STK33: variants seen among roughly 807,000 people sequenced by gnomAD.
STK33 encodes serine/threonine kinase 33.
STK33 carries 52 observed loss-of-function variants against 58.0 expected under a neutral mutation model. The observed-to-expected ratio is 0.90, with a 90% confidence interval of 0.72 to 1.13. The LOEUF (loss-of-function observed/expected upper bound fraction) is 1.13. Among genes scored for constraint, STK33 ranks in the 50% most tolerant of loss-of-function variants. STK33 has a pLI of 0.00. For synonymous variants in STK33, 215 were observed against 200.1 expected (o/e 1.07, Z -0.63); for missense variants, 630 against 604.2 (o/e 1.04, Z -0.45).
At chr11:8,563,668 A>G (rs973202129) in intron 1 of STK33, among the ~76,000 whole-genome samples, 2 of 152,198 alleles carry the variant, frequency 1.3e-5, no homozygotes, top group Non-Finnish European at 2.9e-5. Context: ...CAGTTCTTAC[A>G]TAATACACAA....
intron 14 of STK33, 68 bp from the exon 15 acceptor site, chr11:8,413,760 T>C: frequency 7.2e-7 from 1 of 1,383,196 alleles, no homozygotes; most frequent in South Asian, 1.2e-5. Context: ...CTACATCATT[T>C]AGCGAGACAG....
rs2033052489 is a variant in STK33 at position 8,594,086 on chromosome 11, G to C, written c.-469C>G. On this transcript the variant is annotated 5_prime_UTR_variant, in exon 1 of 16. Coordinates refer to ENST00000687296, the MANE Select transcript of STK33 (RefSeq NM_001352389.2). ...AGTGACTCCAGGGACCACTCACCGC[G>C]GCCGGCGGACTGGCGGGTCTCCGAC... 6.6e-6 allele frequency: 1 copy of C among 152,300 alleles called. No homozygotes were observed. The highest frequency in any genetic ancestry group is 1.5e-5 in the Non-Finnish European group (1 of 68,082). 9.4% of individuals were successfully genotyped at this position (152,300 alleles called of 1,614,324 possible). A position where few individuals can be genotyped will look rare whatever the true frequency, so the allele number is the denominator to read the frequency against.
chr11:8,442,030 T>TACACACACAC (rs55646106), intron 11 of STK33, among the ~76,000 whole-genome samples: 52 of 143,424 alleles, frequency 3.6e-4, no homozygotes, highest in African/African-American at 1.3e-3. Flanking sequence ...TACCTACACC[T>TACACACACAC]ACACACACAC....
chr11:8,443,578 C>T (rs1341195832), intron 11 of STK33, among the ~76,000 whole-genome samples: 1 of 147,742 alleles, frequency 6.8e-6, no homozygotes, highest in Admixed American at 6.9e-5. Context: ...AGAGATTAAT[C>T]ACAATTAGAA....
At chr11:8,534,560 CTCTCTCTCTGTG>C (rs1461748407) in intron 1 of STK33, among the ~76,000 whole-genome samples, 73 of 120,032 alleles carry the variant, frequency 6.1e-4, no homozygotes, top group African/African-American at 1.6e-3. Context: ...CTCTCTCTCT[CTCTCTCTCTGTG>C]TGTGTGTGTG....
chr11:8,458,172 C>T (rs1055742799), intron 8 of STK33, among the ~76,000 whole-genome samples: 1 of 152,052 alleles, frequency 6.6e-6, no homozygotes, highest in Non-Finnish European at 1.5e-5. Context: ...TAGAACAGGG[C>T]TCAACAAACC....
chr11:8,484,947 G>A (rs1400998796), intron 1 of STK33, among the ~76,000 whole-genome samples: 1 of 152,188 alleles, frequency 6.6e-6, no homozygotes, highest in Non-Finnish European at 1.5e-5. Flanking sequence ...CAACTGAGAA[G>A]AGAGAGGATT....
chr11:8,577,932 G>GC (rs1958302021), intron 1 of STK33, among the ~76,000 whole-genome samples: 1 of 152,058 alleles, frequency 6.6e-6, no homozygotes, highest in South Asian at 2.1e-4. Context: ...AAGGTCAAAT[G>GC]CAACAGTGCC....
chr11:8,572,727 A>G (rs1957911383), intron 1 of STK33, among the ~76,000 whole-genome samples: 1 of 152,070 alleles, frequency 6.6e-6, no homozygotes, highest in Admixed American at 6.6e-5. Flanking sequence ...TGCCTGAAAG[A>G]TATATTTTAA....
intron 1 of STK33, among the ~76,000 whole-genome samples, chr11:8,586,660 C>T (rs2031694039): frequency 6.6e-6 from 1 of 151,846 alleles, no homozygotes; most frequent in Admixed American, 6.6e-5. Context: ...CCCGTCTGTA[C>T]TAAAACTACA....
intron 1 of STK33, among the ~76,000 whole-genome samples, chr11:8,509,611 C>G (rs1002725363): frequency 6.6e-6 from 1 of 152,122 alleles, no homozygotes; most frequent in Non-Finnish European, 1.5e-5. Context: ...CACCCACCAC[C>G]CTAGCAGAGT....
chr11:8,508,760 G>A (rs1401568509), intron 1 of STK33, among the ~76,000 whole-genome samples: 2 of 152,178 alleles, frequency 1.3e-5, no homozygotes, highest in East Asian at 3.8e-4. Context: ...GAAATGTGGA[G>A]AATGGGTTTC....
chr11:8,464,828 G>GAAAAAA lies in STK33; in HGVS notation c.340-12_340-7dup. On this transcript the variant is annotated splice_region_variant and splice_polypyrimidine_tract_variant and intron_variant, in intron 6 of 15. Coordinates refer to ENST00000687296, the MANE Select transcript of STK33 (RefSeq NM_001352389.2). ...CTTCCAAAGGTATAGATTTCCTGGAGAAAAAAAAAAAAAGAGTTGTCTCTC... is the reference window on the plus strand; with the variant it reads ...CTTCCAAAGGTATAGATTTCCTGGAGAAAAAAAAAAAAAAAAAAAGAGTTGTCTCTC... 8.7e-7 allele frequency: 1 copy of GAAAAAA among 1,143,856 alleles called. No individual in the cohort carries two copies. The highest frequency in any genetic ancestry group is 2.7e-5 in the East Asian group (1 of 36,746). The allele number at this position is 1,143,856 out of a possible 1,614,324, so 70.9% of individuals were successfully genotyped here.
chr11:8,353,692 G>T, the STK33 span, among the ~76,000 whole-genome samples: 1 of 152,144 alleles, frequency 6.6e-6, no homozygotes, highest in African/African-American at 2.4e-5. Flanking sequence ...AAATAGAGGG[G>T]GTCTTCCTCG....
At chr11:8,512,137 G>T (rs1363296556) in intron 1 of STK33, among the ~76,000 whole-genome samples, 2 of 152,096 alleles carry the variant, frequency 1.3e-5, no homozygotes, top group East Asian at 1.9e-4. Flanking sequence ...GTAGTTTTCT[G>T]TTGGGTCAAT....
At chr11:8,350,511 C>G in the STK33 span, among the ~76,000 whole-genome samples, 1 of 152,182 alleles carries the variant, frequency 6.6e-6, no homozygotes, top group African/African-American at 2.4e-5. Context: ...CAGGGGGTGA[C>G]AGCTCACATC....
chr11:8,523,777 T>A (rs1463378494), intron 1 of STK33, among the ~76,000 whole-genome samples: 38 of 150,938 alleles, frequency 2.5e-4, no homozygotes, highest in Non-Finnish European at 1.2e-4. Flanking sequence ...GTCTGGGAAG[T>A]GAGGAGCCCC....
At chr11:8,590,578 A>G (rs1189822289) in intron 1 of STK33, among the ~76,000 whole-genome samples, 1 of 152,224 alleles carries the variant, frequency 6.6e-6, no homozygotes. Context: ...TGTAGAAAGG[A>G]CATTCTAATT....
At chr11:8,395,733 T>C (rs913861464) in intron 15 of STK33, among the ~76,000 whole-genome samples, 2 of 152,260 alleles carry the variant, frequency 1.3e-5, no homozygotes, top group African/African-American at 4.8e-5. Context: ...CACTCAGGTT[T>C]GTTTCCAATC....
Sources: allele counts gnomAD v4.1 joint callset (sites outside exome capture counted in the v4.1 genomes callset), GRCh38; gene constraint gnomAD v4.1.1; transcripts MANE v1.5; gene names NCBI Gene and HGNC (gene_info 2026-07-23, HGNC 2026-07-21).